Variants in MTF2 observed in about 807,000 individuals in gnomAD.
MTF2 encodes the protein metal response element binding transcription factor 2, also known as metal-response element-binding transcription factor 2.
A neutral mutation model predicts 79.5 loss-of-function variants in MTF2; 11 were observed. The observed-to-expected ratio is 0.14, with a 90% CI of 0.09 to 0.23. The LOEUF (loss-of-function observed/expected upper bound fraction) is 0.23, where lower values mean the gene tolerates loss of function less well. Among genes scored for constraint, MTF2 ranks in the 10% least tolerant of loss-of-function variants. The pLI, the probability that MTF2 is intolerant of heterozygous loss-of-function variation, is 1.00. For missense variants in MTF2, 486 were observed against 711.2 expected, an observed-to-expected ratio of 0.68 and a Z score of 3.60; for synonymous variants, 208 against 232.8, an observed-to-expected ratio of 0.89 and a Z score of 0.97.
intron 1 of MTF2, among the ~76,000 whole-genome samples, chr1:93,104,833 A>G (rs1655698525): frequency 6.6e-6 from 1 of 151,952 alleles, no homozygotes. Flanking sequence ...TGCCCTATGC[A>G]GAGATTGAGG....
chr1:93,137,073 G>A lies in MTF2; in HGVS notation c.*46G>A. 2 of 1,517,688 alleles carry A rather than the reference G, an allele frequency of 1.3e-6. No homozygotes were observed. Among genetic ancestry groups the A allele is most frequent in the Non-Finnish European group, 1.8e-6 (2 of 1,104,374 alleles). The allele number at this position is 1,517,688 out of a possible 1,614,324, so 94.0% of individuals were successfully genotyped here. A position where few individuals can be genotyped will look rare whatever the true frequency, so the allele number is the denominator to read the frequency against. ...TTCACTGCACTCTGATTTTCTGTAGGTACAGTTCAAAGCCCTAAAGGAGTC... is the reference window on the plus strand; with the variant it reads ...TTCACTGCACTCTGATTTTCTGTAGATACAGTTCAAAGCCCTAAAGGAGTC... On this transcript the variant is annotated 3_prime_UTR_variant, in exon 15 of 15. Coordinates refer to ENST00000370298, the MANE Select transcript of MTF2 (RefSeq NM_007358.4).
intron 9 of MTF2, chr1:93,121,036 T>C (rs1656456752): frequency 4.9e-6 from 5 of 1,026,924 alleles, no homozygotes; most frequent in Non-Finnish European, 5.8e-6. Flanking sequence ...CTTAGAGATA[T>C]AACCAACATT....
intron 1 of MTF2, among the ~76,000 whole-genome samples, chr1:93,088,566 C>G (rs1370152336): frequency 6.6e-6 from 1 of 152,104 alleles, no homozygotes; most frequent in Non-Finnish European, 1.5e-5. Context: ...TTAACAGTGT[C>G]ATTTACAATT....
intron 11 of MTF2, 57 bp from the exon 12 acceptor site, chr1:93,133,646 T>A: frequency 8.6e-7 from 1 of 1,163,326 alleles, no homozygotes; most frequent in Middle Eastern, 2.1e-4. Flanking sequence ...ATACATAGAG[T>A]CAATGTCTTT....
At chr1:93,127,587 A>G (rs917056874) in intron 10 of MTF2, among the ~76,000 whole-genome samples, 6 of 152,170 alleles carry the variant, frequency 3.9e-5, no homozygotes, top group South Asian at 4.1e-4. Flanking sequence ...ACTTCCTTCT[A>G]TAATGTAATG....
intron 3 of MTF2, among the ~76,000 whole-genome samples, chr1:93,112,414 A>C (rs550905766): frequency 1.3e-5 from 2 of 152,312 alleles, no homozygotes; most frequent in African/African-American, 4.8e-5. Context: ...AGTAGTCAAC[A>C]GGGTGAAATA....
At chr1:93,104,140 G>A (rs1231153668) in intron 1 of MTF2, among the ~76,000 whole-genome samples, 1 of 137,174 alleles carries the variant, frequency 7.3e-6, no homozygotes, top group Non-Finnish European at 1.5e-5. Flanking sequence ...AGGTCTCACT[G>A]TGTTGCCCAG....
intron 11 of MTF2, among the ~76,000 whole-genome samples, 177 bp downstream of exon 11, chr1:93,129,625 A>T (rs1258274673): frequency 6.8e-6 from 1 of 146,688 alleles, no homozygotes; most frequent in Non-Finnish European, 1.5e-5. Flanking sequence ...TTGATGCCAG[A>T]TGCTTGTTTA....
chr1:93,114,943 G>A, intron 4 of MTF2, 45 bp from the exon 5 acceptor site: 2 of 1,412,864 alleles, frequency 1.4e-6, no homozygotes, highest in Non-Finnish European at 2.0e-6. Context: ...TGTGTTGAAA[G>A]TATTAATGAA....
intron 12 of MTF2, 41 bp from the exon 13 acceptor site, chr1:93,133,887 A>G (rs1368397265): frequency 6.5e-7 from 1 of 1,535,232 alleles, no homozygotes; most frequent in Admixed American, 1.8e-5. Flanking sequence ...TTTTCAGCTT[A>G]CTTTAGAGAC....
intron 1 of MTF2, among the ~76,000 whole-genome samples, chr1:93,109,468 G>A (rs1655943368): frequency 6.6e-6 from 1 of 152,020 alleles, no homozygotes; most frequent in South Asian, 2.1e-4. Flanking sequence ...CCAGTAGCTG[G>A]CATCACAGGT....
In MTF2 at chr1:93,120,637, A is replaced by G; in HGVS notation, c.886A>G (p.Ile296Val). 2 of 1,611,638 alleles carry G rather than the reference A, an allele frequency of 1.2e-6. No individual in the cohort carries two copies. Residue 296 changes from isoleucine (I) to valine (V), a missense_variant, in exon 9 of 15, where the codon ATT becomes GTT. Ile to Val is a conservative substitution (Grantham distance 29). Coordinates refer to ENST00000370298, the MANE Select transcript of MTF2 (RefSeq NM_007358.4). The stretch of plus-strand genomic sequence containing the variant: ...TTCTGAACTTGAGCTTATGACATAC[A>G]TTAATGAAAACTGGGATAGATTGCA... ...FDSELELMTY[I>V]NENWDRLHPG...
intron 7 of MTF2, among the ~76,000 whole-genome samples, chr1:93,118,928 T>G (rs1286673237): frequency 6.6e-6 from 1 of 152,256 alleles, no homozygotes; most frequent in Non-Finnish European, 1.5e-5. Context: ...TTATGCCACT[T>G]AATTTTCTTT....
chr1:93,110,713 A>T, intron 3 of MTF2, 87 bp downstream of exon 3: 1 of 1,088,118 alleles, frequency 9.2e-7, no homozygotes, highest in Non-Finnish European at 1.4e-6. Context: ...TCTGTTGAAT[A>T]CAGTGTATTT....
At chr1:93,092,043 G>T (rs555543498) in intron 1 of MTF2, among the ~76,000 whole-genome samples, 3 of 152,008 alleles carry the variant, frequency 2.0e-5, no homozygotes, top group African/African-American at 4.8e-5. Context: ...CTGTTTTCAT[G>T]TGCTGGATGT....
intron 11 of MTF2, 115 bp downstream of exon 11, chr1:93,129,563 T>G: frequency 1.2e-6 from 1 of 800,152 alleles, no homozygotes; most frequent in Non-Finnish European, 1.8e-6. Flanking sequence ...CTCTGATTTT[T>G]TTTTTTTTTT....
intron 9 of MTF2, among the ~76,000 whole-genome samples, chr1:93,123,244 A>C (rs4589124): frequency 0.89 from 120,972 of 135,828 alleles, 54,204 homozygotes; most frequent in East Asian, 0.95. Context: ...GAGACAGGAC[A>C]GGAGAGTCTC....
chr1:93,121,454 CT>C (rs1276274802), intron 9 of MTF2: 30 of 956,740 alleles, frequency 3.1e-5, no homozygotes, highest in East Asian at 2.3e-4. Flanking sequence ...CTTAGTCATG[CT>C]TTTTTTTAGG....
At chr1:93,094,407 CT>C (rs1357232081) in intron 1 of MTF2, among the ~76,000 whole-genome samples, 1 of 152,048 alleles carries the variant, frequency 6.6e-6, no homozygotes, top group Non-Finnish European at 1.5e-5. Flanking sequence ...ATTATTTTTT[CT>C]TTGTAGTCTT....
Sources: gnomAD v4.1 joint callset for allele counts (sites outside exome capture counted in the v4.1 genomes callset) on GRCh38, gnomAD v4.1.1 for gene constraint, MANE v1.5 for transcripts, NCBI Gene and HGNC (gene_info 2026-07-23, HGNC 2026-07-21) for gene names.